Variants in PTPRG observed in about 807,000 individuals in gnomAD.
PTPRG encodes the protein receptor-type tyrosine-protein phosphatase gamma.
In PTPRG, 102 loss-of-function variants were observed where a neutral mutation model predicts 165.3. The ratio of observed to expected loss-of-function variants is 0.62; its 90% CI spans 0.53 to 0.73. PTPRG has a LOEUF of 0.73. Among genes scored for constraint, PTPRG ranks in the 30% least tolerant of loss-of-function variants. The pLI, the probability that PTPRG is intolerant of heterozygous loss-of-function variation, is 0.00. For synonymous variants in PTPRG, 675 were observed against 669.5 expected (o/e 1.01, Z -0.13); for missense variants, 1,866 against 1,861.4 (o/e 1.00, Z -0.05).
chr3:62,017,694 G>C (rs1453389314), intron 4 of PTPRG, among the ~76,000 whole-genome samples: 4 of 152,034 alleles, frequency 2.6e-5, no homozygotes, highest in Admixed American at 6.6e-5. Flanking sequence ...AAAGTGCTGG[G>C]ATTACAGGCG....
chr3:62,086,228 C>A (rs1434105084), intron 5 of PTPRG, among the ~76,000 whole-genome samples: 1 of 150,488 alleles, frequency 6.6e-6, no homozygotes, highest in Admixed American at 6.6e-5. Flanking sequence ...CCAAAAGAGT[C>A]TTTTTCTTTT....
At chr3:62,265,749 G>A (rs968585727) in intron 17 of PTPRG, among the ~76,000 whole-genome samples, 1 of 151,932 alleles carries the variant, frequency 6.6e-6, no homozygotes, top group East Asian at 1.9e-4. Flanking sequence ...CCACTGCTGT[G>A]ACTATGAGGA....
At chr3:61,728,024 A>AT (rs2032333752) in intron 1 of PTPRG, among the ~76,000 whole-genome samples, 1 of 152,124 alleles carries the variant, frequency 6.6e-6, no homozygotes, top group South Asian at 2.1e-4. Flanking sequence ...CTCTGTTGAC[A>AT]TTTGCCACTT....
chr3:61,657,998 A>G (rs987912657), intron 1 of PTPRG, among the ~76,000 whole-genome samples: 1 of 152,150 alleles, frequency 6.6e-6, no homozygotes, highest in African/African-American at 2.4e-5. Context: ...GTGCTTCCCT[A>G]CACACTGGGC....
In PTPRG at chr3:61,703,834, A is replaced by G. The variant is rs371217016; in HGVS notation, c.86-45044A>G. Among the ~76,000 whole-genome samples the G allele has an allele frequency of 1.4e-4, 22 of 152,322 alleles. No homozygotes were observed. In the East Asian group the frequency reaches 3.7e-3, roughly 25 times the overall value. On this transcript the variant is annotated intron_variant, in intron 1 of 29. Transcript: ENST00000474889. ...GAAAGTTCAGCTCTCTGCATTTTGG[A>G]GAAGTCTTTTATTATACCAGGTTTA...
At chr3:61,955,606 C>G (rs1473351218) in intron 2 of PTPRG, among the ~76,000 whole-genome samples, 1 of 152,046 alleles carries the variant, frequency 6.6e-6, no homozygotes, top group Non-Finnish European at 1.5e-5. Context: ...CCTGGCTGTT[C>G]CATTATAACT....
At chr3:61,944,767 C>A (rs144732627) in intron 2 of PTPRG, among the ~76,000 whole-genome samples, 9 of 152,178 alleles carry the variant, frequency 5.9e-5, no homozygotes, top group Non-Finnish European at 1.3e-4. Context: ...GGCTCTGGTT[C>A]TTTTTAAAGA....
At chr3:62,008,780 C>T (rs1968067) in intron 4 of PTPRG, among the ~76,000 whole-genome samples, 65,694 of 151,960 alleles carry the variant, frequency 0.43, 14,793 homozygotes, top group East Asian at 0.6. Context: ...ATCCCTCGCA[C>T]GTGCAGTTCA....
At chr3:61,850,187 G>T (rs891186015) in intron 2 of PTPRG, among the ~76,000 whole-genome samples, 18 of 151,610 alleles carry the variant, frequency 1.2e-4, no homozygotes, top group African/African-American at 4.1e-4. Flanking sequence ...TTTTGAAACC[G>T]AGTCTTGCTC....
At chr3:61,603,601 G>T (rs1387634449) in intron 1 of PTPRG, among the ~76,000 whole-genome samples, 2 of 152,196 alleles carry the variant, frequency 1.3e-5, no homozygotes, top group East Asian at 3.8e-4. Context: ...AAACTGGTGA[G>T]TTAAAAAAGA....
chr3:61,870,576 T>A lies in PTPRG; in HGVS notation c.191-119049T>A, dbSNP rs866412839. On this transcript the variant is annotated intron_variant, in intron 2 of 29. Coordinates refer to ENST00000474889, the MANE Select transcript of PTPRG (RefSeq NM_002841.4). ...GAGATGGATTTTTTTTTTTTTTTTT[T>A]AACCATGTTGGCCAGGCTGGCCTCG... Among the ~76,000 whole-genome samples the A allele has an allele frequency of 6.5e-4, 82 of 125,366 alleles. 3 individuals carry two copies. The South Asian group carries it at 0.016, about 25-fold the overall frequency. 82.2% of individuals were successfully genotyped at this position (125,366 alleles called of 152,430 possible). A position where few individuals can be genotyped will look rare whatever the true frequency, so the allele number is the denominator to read the frequency against.
At chr3:62,193,659 C>G (rs181935990) in intron 9 of PTPRG, among the ~76,000 whole-genome samples, 3 of 152,352 alleles carry the variant, frequency 2.0e-5, no homozygotes, top group Non-Finnish European at 2.9e-5. Context: ...CAAACGAGAT[C>G]AGTGAGGCTT....
chr3:62,075,707 T>G (rs1701357956), intron 4 of PTPRG, among the ~76,000 whole-genome samples: 1 of 152,188 alleles, frequency 6.6e-6, no homozygotes, highest in Non-Finnish European at 1.5e-5. Flanking sequence ...TCATCAGAAC[T>G]CTGTTTACCT....
chr3:61,761,493 G>A (rs954143334), intron 2 of PTPRG, among the ~76,000 whole-genome samples: 4 of 152,136 alleles, frequency 2.6e-5, no homozygotes, highest in East Asian at 1.9e-4. Context: ...CAGGAGAATC[G>A]CTTGAACCCT....
At chr3:61,682,521 G>A (rs1034771064) in intron 1 of PTPRG, among the ~76,000 whole-genome samples, 2 of 152,200 alleles carry the variant, frequency 1.3e-5, no homozygotes, top group African/African-American at 2.4e-5. Flanking sequence ...GAAAAAGGTA[G>A]CTGGTAACTT....
intron 1 of PTPRG, among the ~76,000 whole-genome samples, chr3:61,574,619 T>A (rs1700134587): frequency 6.6e-6 from 1 of 152,224 alleles, no homozygotes; most frequent in African/African-American, 2.4e-5. Flanking sequence ...TTTCATGTGA[T>A]AGAGGTTTGC....
intron 1 of PTPRG, among the ~76,000 whole-genome samples, chr3:61,670,322 G>A (rs1702935680): frequency 6.6e-6 from 1 of 152,158 alleles, no homozygotes; most frequent in Non-Finnish European, 1.5e-5. Flanking sequence ...GGCCAGCAAG[G>A]TGTCATCTAA....
chr3:62,282,629 C>T, intron 27 of PTPRG, 98 bp from the exon 28 acceptor site: 5 of 1,230,320 alleles, frequency 4.1e-6, no homozygotes, highest in Non-Finnish European at 5.6e-6. Flanking sequence ...TTGAGAGTTA[C>T]CTATAACACA....
intron 5 of PTPRG, among the ~76,000 whole-genome samples, chr3:62,090,355 C>G (rs1366568006): frequency 1.3e-5 from 2 of 151,964 alleles, no homozygotes; most frequent in African/African-American, 2.4e-5. Context: ...TTAAACTGAA[C>G]CGATTATAGG....
Sources: allele counts gnomAD v4.1 joint callset (sites outside exome capture counted in the v4.1 genomes callset), GRCh38; gene constraint gnomAD v4.1.1; transcripts MANE v1.5; gene names NCBI Gene and HGNC (gene_info 2026-07-23, HGNC 2026-07-21).